Variants in SKOR2 observed in about 807,000 individuals in gnomAD.
SKOR2 encodes LBX1 corepressor 1-like protein.
Under a neutral mutation model 69.1 loss-of-function variants are expected in SKOR2, and 47 were observed. The observed-to-expected ratio is 0.68, with a 90% CI of 0.54 to 0.87. The LOEUF is 0.87. Among genes scored for constraint, SKOR2 ranks in the 40% least tolerant of loss-of-function variants. The probability of loss-of-function intolerance (pLI) is 0.00; values close to 1 mark genes in which losing one functional copy is unlikely to be tolerated. For missense variants in SKOR2, 1,404 were observed against 1,472.2 expected, an observed-to-expected ratio of 0.95 and a Z score of 0.76; for synonymous variants, 717 against 672.6, an observed-to-expected ratio of 1.07 and a Z score of -1.02.
chr18:47,239,663 C>G (rs1209812931), intron 4 of SKOR2, among the ~76,000 whole-genome samples: 1 of 152,034 alleles, frequency 6.6e-6, no homozygotes, highest in Non-Finnish European at 1.5e-5. Flanking sequence ...TTTTTCATTG[C>G]CCTTCTCTAT....
At chr18:47,207,084 C>T (rs976175650) in intron 8 of SKOR2, among the ~76,000 whole-genome samples, 192 bp from the exon 9 acceptor site, 1 of 152,082 alleles carries the variant, frequency 6.6e-6, no homozygotes, top group South Asian at 2.1e-4. Flanking sequence ...TTGCTGTGTG[C>T]TTTTCACAGT....
intron 4 of SKOR2, among the ~76,000 whole-genome samples, chr18:47,241,968 A>G (rs1352974105): frequency 6.6e-6 from 1 of 152,178 alleles, no homozygotes; most frequent in East Asian, 1.9e-4. Context: ...ATAACTATTG[A>G]CCGCACTGCC....
At chr18:47,238,320 CTTTTTTT>C (rs772229985) in intron 4 of SKOR2, among the ~76,000 whole-genome samples, 2 of 108,074 alleles carry the variant, frequency 1.9e-5, no homozygotes, top group African/African-American at 3.8e-5. Context: ...CTTTTCTTTT[CTTTTTTT>C]TTTTTTTTTT....
chr18:47,245,396 G>T, intron 3 of SKOR2, 102 bp downstream of exon 3: 1 of 1,050,530 alleles, frequency 9.5e-7, no homozygotes, highest in Non-Finnish European at 1.3e-6. Context: ...GTTAAAAACA[G>T]AATGGTGGTA....
intron 6 of SKOR2, among the ~76,000 whole-genome samples, chr18:47,220,858 C>G (rs1049333124): frequency 2.6e-5 from 4 of 152,060 alleles, no homozygotes; most frequent in Non-Finnish European, 4.4e-5. Context: ...TTGAGGAAAC[C>G]AGAAACTTCA....
Position 47,247,295 on chromosome 18 carries a change from T to C in SKOR2, c.1889A>G (p.Lys630Arg). 1 of 1,482,104 alleles carries C rather than the reference T, an allele frequency of 6.7e-7. No individual in the cohort carries two copies. The highest frequency in any genetic ancestry group is 2.2e-4 in the Middle Eastern group (1 of 4,476). The allele number at this position is 1,482,104 out of a possible 1,614,324, so 91.8% of individuals were successfully genotyped here. A position where few individuals can be genotyped will look rare whatever the true frequency, so the allele number is the denominator to read the frequency against. Residue 630 changes from lysine to arginine, a missense_variant, in exon 2 of 9, where the codon AAG becomes AGG. By Grantham distance (26) the Lys-to-Arg change is conservative. This residue lies in a region of SKOR2 where 1,266 missense variants were observed against 1,309.9 expected (regional missense o/e 0.97). Coordinates refer to ENST00000425639, the MANE Select transcript of SKOR2 (RefSeq NM_001278063.4). The surrounding 1 kb of genome is among the most constrained non-coding windows in gnomAD (Gnocchi z 6.6). ...CTTGGCCAGGCTCTCCGCGTCGTCCTTGCCGCCCACTGGCCGGAAGGCGCT... is the reference window on the plus strand; with the variant it reads ...CTTGGCCAGGCTCTCCGCGTCGTCCCTGCCGCCCACTGGCCGGAAGGCGCT... ...HSSAFRPVGG[K>R]DDAESLAKLH...
At chr18:47,209,123 G>A (rs562071881) in intron 8 of SKOR2, among the ~76,000 whole-genome samples, 7 of 152,000 alleles carry the variant, frequency 4.6e-5, no homozygotes, top group East Asian at 1.9e-4. Context: ...TTGACGCAAC[G>A]TGGAATTTCT....
Position 47,249,006 on chromosome 18 carries a change from C to G in SKOR2, c.178G>C (p.Glu60Gln). ...PIVSLVIDGQ[E>Q]RLCLAQISNT... ...GAGATCTGCGCCAGGCACAGGCGCT[C>G]TTGCCCGTCGATCACCAACGACACG... Residue 60 changes from glutamate to glutamine, a missense_variant, in exon 2 of 9, where the codon GAG becomes CAG. Physicochemically the swap from Glu to Gln is conservative, Grantham distance 29 (BLOSUM62 2). Transcript: ENST00000425639. 6.5e-7 allele frequency: 1 copy of G among 1,550,034 alleles called. No individual in the cohort carries two copies. Among genetic ancestry groups the G allele is most frequent in the Non-Finnish European group, 8.7e-7 (1 of 1,154,118 alleles).
chr18:47,219,398 GT>G (rs5824653), intron 7 of SKOR2, among the ~76,000 whole-genome samples: 83,595 of 150,662 alleles, frequency 0.55, 23,200 homozygotes, highest in Middle Eastern at 0.62. Flanking sequence ...ACATCTTCCT[GT>G]TTTTTTTTTC....
At chr18:47,234,172 C>A (rs1005841198) in intron 4 of SKOR2, among the ~76,000 whole-genome samples, 4 of 151,924 alleles carry the variant, frequency 2.6e-5, no homozygotes, top group African/African-American at 9.7e-5. Context: ...TCTGTGAAAA[C>A]CAGATTGTTA....
At chr18:47,221,179 C>T (rs368482945) in intron 6 of SKOR2, among the ~76,000 whole-genome samples, 1 of 152,084 alleles carries the variant, frequency 6.6e-6, no homozygotes, top group Admixed American at 6.5e-5. Context: ...CAACTTCTAC[C>T]TTTTCATACT....
intron 1 of SKOR2, among the ~76,000 whole-genome samples, chr18:47,249,677 G>T (rs2144521675): frequency 6.6e-6 from 1 of 152,204 alleles, no homozygotes; most frequent in Non-Finnish European, 1.5e-5. Context: ...GAGATAGATT[G>T]ATTTTGGTTA....
In SKOR2 at chr18:47,247,627, A is replaced by G; in HGVS notation, c.1557T>C (p.Ala519=). 7.5e-7 allele frequency: 1 copy of G among 1,330,294 alleles called. No homozygotes were observed. Among genetic ancestry groups the G allele is most frequent in the Non-Finnish European group, 9.6e-7 (1 of 1,043,682 alleles). 82.4% of individuals were successfully genotyped at this position (1,330,294 alleles called of 1,614,324 possible). ...AFLDLAEPGG[A]AGSAEAAPPP... Reference sequence around the variant, plus strand: ...GGGGCGCGGCCTCGGCGCTCCCAGCAGCACCGCCTGGCTCAGCCAGGTCCA... The same window carrying G: ...GGGGCGCGGCCTCGGCGCTCCCAGCGGCACCGCCTGGCTCAGCCAGGTCCA... Residue 519 remains alanine, a synonymous_variant, in exon 2 of 9, where the codon GCT becomes GCC. Transcript: ENST00000425639. The surrounding 1 kb of genome is among the most constrained non-coding windows in gnomAD (Gnocchi z 6.6).
chr18:47,243,815 T>A (rs1478494499), intron 4 of SKOR2, among the ~76,000 whole-genome samples: 1 of 152,220 alleles, frequency 6.6e-6, no homozygotes, highest in African/African-American at 2.4e-5. Flanking sequence ...GGTAATGCCA[T>A]AATGCACAAA....
Position 47,248,073 on chromosome 18 carries a change from C to T in SKOR2, c.1111G>A (p.Gly371Arg). Residue 371 changes from glycine (G) to arginine (R), a missense_variant, in exon 2 of 9, where the codon GGG becomes AGG. By Grantham distance (125) the Gly-to-Arg change is moderately radical. This residue lies in a region of SKOR2 where 1,266 missense variants were observed against 1,309.9 expected (regional missense o/e 0.97). Transcript: ENST00000425639. The surrounding 1 kb of genome is among the most constrained non-coding windows in gnomAD (Gnocchi z 6.4). ...CTGCGCGGGCCTTTGGCCCCTGCCC[C>T]GGCACCCGCCCCCGCGCCCGCGCCC... ...GVGAGAGAGA[G>R]AGAKGPRSYP... is the part of the protein sequence containing the mutation. The T allele has an allele frequency of 2.1e-6, 3 of 1,402,008 alleles. No homozygotes were observed. Among genetic ancestry groups the T allele is most frequent in the Non-Finnish European group, 2.8e-6 (3 of 1,079,256 alleles). The allele number at this position is 1,402,008 out of a possible 1,614,324, so 86.8% of individuals were successfully genotyped here. A position where few individuals can be genotyped will look rare whatever the true frequency, so the allele number is the denominator to read the frequency against.
chr18:47,228,574 T>C (rs1234670472), intron 6 of SKOR2, among the ~76,000 whole-genome samples: 3 of 152,170 alleles, frequency 2.0e-5, no homozygotes, highest in Non-Finnish European at 4.4e-5. Flanking sequence ...TAGAAGGGCA[T>C]GTTAGGGATT....
chr18:47,230,627 C>T, intron 5 of SKOR2, 70 bp from the exon 6 acceptor site: 1 of 972,648 alleles, frequency 1.0e-6, no homozygotes, highest in Middle Eastern at 3.4e-4. Context: ...TTATATATGG[C>T]AATTTATTAT....
intron 8 of SKOR2, among the ~76,000 whole-genome samples, chr18:47,209,077 G>T (rs750408973): frequency 8.6e-5 from 13 of 152,038 alleles, no homozygotes; most frequent in Non-Finnish European, 1.5e-4. Flanking sequence ...CAACAATTTT[G>T]CTCTTAAAGT....
intron 4 of SKOR2, among the ~76,000 whole-genome samples, chr18:47,238,846 G>C (rs1018582147): frequency 6.6e-6 from 1 of 152,196 alleles, no homozygotes; most frequent in Admixed American, 6.5e-5. Context: ...AACAATCTTT[G>C]CATGCTGCTC....
Sources: gnomAD v4.1 joint callset for allele counts (sites outside exome capture counted in the v4.1 genomes callset) on GRCh38, gnomAD v4.1.1 for gene constraint, gnomAD v4.1.1 regional missense constraint, Gnocchi (gnomAD v3.1) non-coding constraint, MANE v1.5 for transcripts, NCBI Gene and HGNC (gene_info 2026-07-23, HGNC 2026-07-21) for gene names.